ANKRD29: variants seen among roughly 807,000 people sequenced by gnomAD.
ANKRD29 encodes ankyrin repeat domain 29.
Under a neutral mutation model 38.0 loss-of-function variants are expected in ANKRD29, and 32 were observed. The observed-to-expected ratio is 0.84, with a 90% CI of 0.64 to 1.13. The LOEUF (loss-of-function observed/expected upper bound fraction) is 1.13. Among genes scored for constraint, ANKRD29 ranks in the 50% most tolerant of loss-of-function variants. ANKRD29 has a pLI of 0.00. For synonymous variants in ANKRD29, 135 were observed against 152.4 expected, an observed-to-expected ratio of 0.89 and a Z score of 0.84; for missense variants, 357 against 377.9, an observed-to-expected ratio of 0.94 and a Z score of 0.46.
intron 1 of ANKRD29, among the ~76,000 whole-genome samples, chr18:23,657,781 A>G (rs1305187804): frequency 1.3e-5 from 2 of 152,198 alleles, no homozygotes; most frequent in African/African-American, 4.8e-5. Context: ...TTATGGCTGA[A>G]TGATAGTCCA....
chr18:23,633,307 C>T (rs1445867023), intron 5 of ANKRD29, among the ~76,000 whole-genome samples: 1 of 152,222 alleles, frequency 6.6e-6, no homozygotes, highest in Non-Finnish European at 1.5e-5. Context: ...CCTCACTTTT[C>T]TACCAAATAC....
chr18:23,635,960 T>C (rs1468469601), intron 4 of ANKRD29, among the ~76,000 whole-genome samples: 1 of 152,132 alleles, frequency 6.6e-6, no homozygotes, highest in Non-Finnish European at 1.5e-5. Context: ...CTGAAGCTGG[T>C]GGTAGACGGC....
In ANKRD29 at chr18:23,634,679, C is replaced by T. The variant is rs539419151; in HGVS notation, c.331-530G>A. On this transcript the variant is annotated intron_variant, in intron 4 of 9. Coordinates refer to ENST00000592179, the MANE Select transcript of ANKRD29 (RefSeq NM_173505.4). ...GTGATTATGTTGTATATGTGGGCGGCTTGCTAGAGATGTATTACAGTTTTT... is the reference window on the plus strand; with the variant it reads ...GTGATTATGTTGTATATGTGGGCGGTTTGCTAGAGATGTATTACAGTTTTT... Among the ~76,000 whole-genome samples, 8 of 152,256 alleles carry T rather than the reference C, an allele frequency of 5.3e-5. No homozygotes were observed. The South Asian group carries it at 1.7e-3, about 32-fold the overall frequency.
At chr18:23,603,365 G>T (rs2059536511) in intron 9 of ANKRD29, among the ~76,000 whole-genome samples, 1 of 152,258 alleles carries the variant, frequency 6.6e-6, no homozygotes, top group Non-Finnish European at 1.5e-5. Context: ...GGGCGTGGTG[G>T]CTCACGCCTG....
chr18:23,624,733 T>C (rs2059841325), intron 6 of ANKRD29, among the ~76,000 whole-genome samples: 2 of 152,114 alleles, frequency 1.3e-5, no homozygotes, highest in South Asian at 4.1e-4. Flanking sequence ...GAGTTCTCCA[T>C]GCCTAGAGGT....
intron 3 of ANKRD29, among the ~76,000 whole-genome samples, chr18:23,640,693 A>G (rs987495312): frequency 2.0e-5 from 3 of 152,202 alleles, no homozygotes; most frequent in African/African-American, 7.2e-5. Flanking sequence ...TGGTACCCAA[A>G]TCACTGTGTA....
intron 9 of ANKRD29, among the ~76,000 whole-genome samples, chr18:23,605,774 G>T (rs2059568187): frequency 6.6e-6 from 1 of 151,926 alleles, no homozygotes; most frequent in African/African-American, 2.4e-5. Context: ...TGATCCACCT[G>T]CCTCGGCCTC....
intron 1 of ANKRD29, among the ~76,000 whole-genome samples, chr18:23,650,544 G>A (rs1203884392): frequency 6.6e-6 from 1 of 152,154 alleles, no homozygotes; most frequent in Admixed American, 6.5e-5. Flanking sequence ...AGAGCTGACT[G>A]TAGTACAATC....
intron 1 of ANKRD29, among the ~76,000 whole-genome samples, chr18:23,658,082 C>T (rs1453480159): frequency 6.6e-6 from 1 of 152,212 alleles, no homozygotes; most frequent in Non-Finnish European, 1.5e-5. Context: ...TATCCTATGC[C>T]TGTCCCACTG....
intron 3 of ANKRD29, among the ~76,000 whole-genome samples, chr18:23,645,406 T>C (rs114270614): frequency 0.02 from 2,970 of 152,276 alleles, 98 homozygotes; most frequent in African/African-American, 0.067. Flanking sequence ...AAACCCCATG[T>C]CTACTAAAAA....
chr18:23,651,750 G>A (rs2060213553), intron 1 of ANKRD29, among the ~76,000 whole-genome samples: 1 of 152,224 alleles, frequency 6.6e-6, no homozygotes, highest in Non-Finnish European at 1.5e-5. Context: ...TTCCTCTCCA[G>A]CTGGGCTGGC....
intron 1 of ANKRD29, among the ~76,000 whole-genome samples, chr18:23,661,209 T>C (rs927975212): frequency 1.1e-4 from 17 of 152,332 alleles, no homozygotes; most frequent in African/African-American, 4.1e-4. Context: ...ATCATGTTCA[T>C]TCCCATGGGT....
At chr18:23,621,843 TTTTTTTTC>T (rs2059801173) in intron 6 of ANKRD29, among the ~76,000 whole-genome samples, 1 of 151,802 alleles carries the variant, frequency 6.6e-6, no homozygotes, top group Non-Finnish European at 1.5e-5. Context: ...CCCAGCTAAT[TTTTTTTTC>T]TTTTTTTCTT....
At chr18:23,602,560 C>A (rs550901241) in intron 9 of ANKRD29, among the ~76,000 whole-genome samples, 2 of 152,234 alleles carry the variant, frequency 1.3e-5, no homozygotes, top group Non-Finnish European at 2.9e-5. Context: ...CTGTTGGTTT[C>A]AGGACCCTTT....
intron 4 of ANKRD29, among the ~76,000 whole-genome samples, chr18:23,637,152 A>G (rs2060012991): frequency 6.6e-6 from 1 of 152,214 alleles, no homozygotes; most frequent in Non-Finnish European, 1.5e-5. Context: ...TGAAGCAGCC[A>G]TATGGTCACT....
chr18:23,627,337 A>T (rs1001183828), intron 6 of ANKRD29, among the ~76,000 whole-genome samples: 4 of 152,224 alleles, frequency 2.6e-5, no homozygotes, highest in African/African-American at 9.6e-5. Context: ...GCTGAACTCA[A>T]AATAATTCAA....
At chr18:23,626,678 A>T (rs1285109977) in intron 6 of ANKRD29, among the ~76,000 whole-genome samples, 1 of 152,214 alleles carries the variant, frequency 6.6e-6, no homozygotes, top group Non-Finnish European at 1.5e-5. Context: ...TAGATTTGGG[A>T]TTATGATTCC....
At chr18:23,659,312 TG>T (rs1336229925) in intron 1 of ANKRD29, among the ~76,000 whole-genome samples, 45 of 152,352 alleles carry the variant, frequency 3.0e-4, no homozygotes, top group African/African-American at 1.1e-3. Flanking sequence ...TATGGACATT[TG>T]GATTGTTTCC....
At chr18:23,618,478 G>A (rs2059752218) in intron 7 of ANKRD29, 1 of 152,318 alleles carries the variant, frequency 6.6e-6, no homozygotes, top group African/African-American at 2.4e-5. Context: ...CTACTCGGGA[G>A]GCTGAGGCAC....
Sources: gnomAD v4.1 joint callset for allele counts (sites outside exome capture counted in the v4.1 genomes callset) on GRCh38, gnomAD v4.1.1 for gene constraint, MANE v1.5 for transcripts, NCBI Gene and HGNC (gene_info 2026-07-23, HGNC 2026-07-21) for gene names.